The following CSMD1 variants were observed in gnomAD, a reference collection of about 807,000 sequenced individuals.
The protein encoded by CSMD1 is CUB and Sushi multiple domains 1.
CSMD1 carries 213 observed loss-of-function variants against 417.5 expected under a neutral mutation model. The observed-to-expected ratio is 0.51, with a 90% CI of 0.46 to 0.57. The LOEUF (loss-of-function observed/expected upper bound fraction) is 0.57, where lower values mean the gene tolerates loss of function less well. Ranked by LOEUF, CSMD1 falls within the 20% of genes least tolerant of loss-of-function variation. The probability of loss-of-function intolerance (pLI) is 0.00; values close to 1 mark genes in which losing one functional copy is unlikely to be tolerated. For missense variants in CSMD1, 6,923 were observed against 4,529.7 expected (o/e 1.53, Z -15.17); for synonymous variants, 2,862 against 1,736.8 (o/e 1.65, Z -16.11).
chr8:4,028,689 G>C (rs1242082322), intron 4 of CSMD1, among the ~76,000 whole-genome samples: 1 of 152,066 alleles, frequency 6.6e-6, no homozygotes, highest in African/African-American at 2.4e-5. Flanking sequence ...GGAACCTTTT[G>C]CAAATTAAAA....
chr8:3,130,859 T>C (rs529713929), intron 41 of CSMD1, among the ~76,000 whole-genome samples: 3 of 152,304 alleles, frequency 2.0e-5, no homozygotes, highest in East Asian at 1.9e-4. Context: ...TTCAAATCAA[T>C]GCCCTAAACA....
At chr8:3,603,156 A>G (rs1051814782) in intron 8 of CSMD1, among the ~76,000 whole-genome samples, 4 of 152,206 alleles carry the variant, frequency 2.6e-5, no homozygotes, top group African/African-American at 9.6e-5. Context: ...TGTTTGTGGT[A>G]TTTCTTAAGT....
intron 10 of CSMD1, among the ~76,000 whole-genome samples, chr8:3,551,335 A>C (rs1798901551): frequency 6.6e-6 from 1 of 152,162 alleles, no homozygotes; most frequent in African/African-American, 2.4e-5. Context: ...TTTGAAAGCC[A>C]ACACACACTT....
chr8:3,507,295 T>C (rs1242072994), intron 10 of CSMD1, among the ~76,000 whole-genome samples: 1 of 152,078 alleles, frequency 6.6e-6, no homozygotes. Context: ...ACTAAGAATA[T>C]TTTTTAGCTT....
At chr8:3,604,374 C>T (rs1801504261) in intron 8 of CSMD1, among the ~76,000 whole-genome samples, 1 of 152,040 alleles carries the variant, frequency 6.6e-6, no homozygotes, top group African/African-American at 2.4e-5. Flanking sequence ...TGGGGTGATG[C>T]TCCGAATCTT....
At chr8:4,072,200 A>T (rs549344663) in intron 3 of CSMD1, among the ~76,000 whole-genome samples, 1 of 152,152 alleles carries the variant, frequency 6.6e-6, no homozygotes, top group Admixed American at 6.5e-5. Context: ...TGTTTTACGT[A>T]TTTATTTTTA....
At chr8:3,958,568 T>C (rs2129956762) in intron 5 of CSMD1, among the ~76,000 whole-genome samples, 1 of 152,312 alleles carries the variant, frequency 6.6e-6, no homozygotes, top group East Asian at 1.9e-4. Context: ...AATTTACTCA[T>C]TTATCTGCTT....
chr8:4,386,424 C>A (rs1584995044), intron 3 of CSMD1, among the ~76,000 whole-genome samples: 1 of 152,220 alleles, frequency 6.6e-6, no homozygotes, highest in Non-Finnish European at 1.5e-5. Context: ...CCCACTCAAA[C>A]AATACACACT....
intron 3 of CSMD1, among the ~76,000 whole-genome samples, chr8:4,355,422 G>A (rs1018859731): frequency 6.6e-6 from 1 of 151,886 alleles, no homozygotes; most frequent in African/African-American, 2.4e-5. Flanking sequence ...GCGAATTCAG[G>A]TATCTTCTTT....
chr8:3,471,775 T>C (rs866031549), intron 11 of CSMD1, among the ~76,000 whole-genome samples: 33 of 152,134 alleles, frequency 2.2e-4, no homozygotes, highest in Non-Finnish European at 3.7e-4. Context: ...GAAAAATATG[T>C]ATCTTAAGTC....
chr8:3,998,150 G>T lies in CSMD1; in HGVS notation c.611-40C>A, dbSNP rs769007300. ...GCAGAAAGAAAGCATCACATTTCAG[G>T]ATGGTTTTCATACACGAGTGTGTCC... is the stretch of plus-strand genomic sequence containing the variant. On this transcript the variant is annotated intron_variant, in intron 4 of 69. Transcript: ENST00000635120. 8.5e-6 allele frequency: 13 copies of T among 1,522,784 alleles called. No homozygotes were observed. In the African/African-American group the frequency reaches 9.6e-5, roughly 11 times the overall value. The allele number at this position is 1,522,784 out of a possible 1,614,324, so 94.3% of individuals were successfully genotyped here. A position where few individuals can be genotyped will look rare whatever the true frequency, so the allele number is the denominator to read the frequency against.
intron 5 of CSMD1, among the ~76,000 whole-genome samples, chr8:3,965,075 G>A (rs918887127): frequency 3.9e-5 from 6 of 152,228 alleles, no homozygotes; most frequent in South Asian, 2.1e-4. Flanking sequence ...TAAAGCACTC[G>A]CCGCAGTAGC....
At chr8:4,835,769 C>A (rs1036810589) in intron 1 of CSMD1, among the ~76,000 whole-genome samples, 1 of 151,618 alleles carries the variant, frequency 6.6e-6, no homozygotes, top group African/African-American at 2.4e-5. Context: ...GGTACTGCAG[C>A]TGCAAAAGTG....
At chr8:4,232,149 A>G (rs911898621) in intron 3 of CSMD1, among the ~76,000 whole-genome samples, 1 of 152,160 alleles carries the variant, frequency 6.6e-6, no homozygotes, top group East Asian at 1.9e-4. Flanking sequence ...TTCCTTTTCT[A>G]AACTTCAAAA....
intron 1 of CSMD1, among the ~76,000 whole-genome samples, chr8:4,770,858 G>C (rs1796565164): frequency 6.6e-6 from 1 of 151,996 alleles, no homozygotes; most frequent in South Asian, 2.1e-4. Context: ...GAAAATCCCA[G>C]AATACACAGG....
At chr8:3,956,695 C>T (rs1363219836) in intron 5 of CSMD1, among the ~76,000 whole-genome samples, 3 of 152,028 alleles carry the variant, frequency 2.0e-5, no homozygotes, top group African/African-American at 7.2e-5. Context: ...GTGGCAGAAC[C>T]TATATTTGAA....
chr8:3,567,543 A>AAAGGGAAGGAAAGGG (rs1301865967), intron 10 of CSMD1, among the ~76,000 whole-genome samples: 3 of 150,882 alleles, frequency 2.0e-5, no homozygotes, highest in South Asian at 2.1e-4. Flanking sequence ...GGGGAAAGAG[A>AAAGGGAAGGAAAGGG]AAGGGAAGGA....
intron 1 of CSMD1, among the ~76,000 whole-genome samples, chr8:4,968,369 C>G (rs951891203): frequency 6.6e-6 from 1 of 151,992 alleles, no homozygotes; most frequent in Non-Finnish European, 1.5e-5. Flanking sequence ...AAAACTTTTT[C>G]CTTACCCCCA....
chr8:3,784,904 ATTTTTGTGG>A, intron 5 of CSMD1, among the ~76,000 whole-genome samples: 1 of 152,230 alleles, frequency 6.6e-6, no homozygotes, highest in South Asian at 2.1e-4. Context: ...TACAAACATC[ATTTTTGTGG>A]TCAAAACAAG....
Sources: gnomAD v4.1 joint callset for allele counts (sites outside exome capture counted in the v4.1 genomes callset) on GRCh38, gnomAD v4.1.1 for gene constraint, MANE v1.5 for transcripts, NCBI Gene and HGNC (gene_info 2026-07-23, HGNC 2026-07-21) for gene names.